The following ADAMTS17 variants were observed in gnomAD, a reference collection of about 807,000 sequenced individuals.
ADAMTS17 encodes ADAM metallopeptidase with thrombospondin type 1 motif 17.
Under a neutral mutation model 141.5 loss-of-function variants are expected in ADAMTS17, and 113 were observed. The ratio of observed to expected loss-of-function variants is 0.80; its 90% CI spans 0.69 to 0.93. The LOEUF is 0.93. Among genes scored for constraint, ADAMTS17 ranks in the 40% least tolerant of loss-of-function variants. The probability of loss-of-function intolerance (pLI) is 0.00; values close to 1 mark genes in which losing one functional copy is unlikely to be tolerated. For synonymous variants in ADAMTS17, 768 were observed against 630.6 expected, an observed-to-expected ratio of 1.22 and a Z score of -3.27; for missense variants, 1,659 against 1,517.9, an observed-to-expected ratio of 1.09 and a Z score of -1.54.
chr15:99,996,854 A>G (rs2060812193), intron 19 of ADAMTS17, among the ~76,000 whole-genome samples: 1 of 152,160 alleles, frequency 6.6e-6, no homozygotes, highest in Non-Finnish European at 1.5e-5. Flanking sequence ...TGACATCACC[A>G]GAGATAAAAT....
At chr15:100,119,180 G>A (rs569179238) in intron 12 of ADAMTS17, among the ~76,000 whole-genome samples, 8 of 152,010 alleles carry the variant, frequency 5.3e-5, no homozygotes, top group East Asian at 1.9e-4. Context: ...CAACCCTGTC[G>A]ACACCCTGAT....
chr15:100,211,015 G>C (rs989091149), intron 7 of ADAMTS17, among the ~76,000 whole-genome samples: 1 of 151,944 alleles, frequency 6.6e-6, no homozygotes, highest in Admixed American at 6.6e-5. Flanking sequence ...CAGGAGAATG[G>C]CGTGAATCTG....
At chr15:100,280,863 G>C (rs1393792191) in intron 4 of ADAMTS17, among the ~76,000 whole-genome samples, 1 of 152,154 alleles carries the variant, frequency 6.6e-6, no homozygotes, top group African/African-American at 2.4e-5. Flanking sequence ...ATAGAGGTTG[G>C]AATTTGTTCC....
chr15:100,005,229 A>G (rs532395573), intron 18 of ADAMTS17, among the ~76,000 whole-genome samples: 3 of 152,288 alleles, frequency 2.0e-5, no homozygotes, highest in East Asian at 3.9e-4. Flanking sequence ...CAGTGACCAT[A>G]TGAGACCCTG....
At chr15:100,145,248 T>A (rs1272206217) in intron 10 of ADAMTS17, among the ~76,000 whole-genome samples, 2 of 152,176 alleles carry the variant, frequency 1.3e-5, no homozygotes, top group Non-Finnish European at 2.9e-5. Context: ...GCAACGGTCT[T>A]TGGGGGAGCC....
At position 100,011,120 on chromosome 15, in the gene ADAMTS17, A is replaced by G. The variant is rs190394520; in HGVS notation, c.2592-13531T>C. Reference sequence around the variant, plus strand: ...TTTCAGCCTTAAATCCTGTATAAAAAACACTGATTTTGAGGCTTCAGTTAA... The same window carrying G: ...TTTCAGCCTTAAATCCTGTATAAAAGACACTGATTTTGAGGCTTCAGTTAA... On this transcript the variant is annotated intron_variant, in intron 18 of 21. Coordinates refer to ENST00000268070, the MANE Select transcript of ADAMTS17 (RefSeq NM_139057.4). 5.9e-4 allele frequency among the ~76,000 whole-genome samples: 89 copies of G among 151,188 alleles called. 1 individual carries two copies. The highest frequency in any genetic ancestry group is 2.1e-3 in the African/African-American group (88 of 41,098).
intron 13 of ADAMTS17, among the ~76,000 whole-genome samples, chr15:100,109,453 A>G (rs565699713): frequency 6.7e-6 from 1 of 148,858 alleles, no homozygotes; most frequent in African/African-American, 2.5e-5. Flanking sequence ...ATCAAGGGGG[A>G]GCTGGAGCCA....
chr15:100,023,422 C>T (rs969844638), intron 18 of ADAMTS17, among the ~76,000 whole-genome samples: 1 of 151,712 alleles, frequency 6.6e-6, no homozygotes, highest in African/African-American at 2.4e-5. Context: ...TCAGGCTGGT[C>T]TCGAACCTCC....
intron 3 of ADAMTS17, among the ~76,000 whole-genome samples, chr15:100,318,140 A>G (rs1183725969): frequency 6.6e-6 from 1 of 152,114 alleles, no homozygotes; most frequent in African/African-American, 2.4e-5. Flanking sequence ...AGACGATGAC[A>G]TTTCTGACAC....
At chr15:100,225,717 G>A (rs1044305798) in intron 7 of ADAMTS17, among the ~76,000 whole-genome samples, 1 of 146,082 alleles carries the variant, frequency 6.8e-6, no homozygotes, top group African/African-American at 2.6e-5. Context: ...AGTCCTTAGA[G>A]CAGTCATGGT....
rs76533317 is a variant in ADAMTS17 at position 100,169,490 on chromosome 15, T to C, written c.1182-14170A>G. 7.7e-3 allele frequency among the ~76,000 whole-genome samples: 1,179 copies of C among 152,356 alleles called. 22 individuals carry two copies. Among genetic ancestry groups the C allele is most frequent in the African/African-American group, 0.026 (1,091 of 41,576 alleles). On this transcript the variant is annotated intron_variant, in intron 8 of 21. Coordinates refer to ENST00000268070, the MANE Select transcript of ADAMTS17 (RefSeq NM_139057.4). Reference sequence around the variant, plus strand: ...ACATATATCATCTCATGAATTATTATTATTCCACTTCACAGATGAGGGAAC... The same window carrying C: ...ACATATATCATCTCATGAATTATTACTATTCCACTTCACAGATGAGGGAAC...
Position 100,216,616 on chromosome 15 carries a change from T to C in ADAMTS17, c.1076-17193A>G, listed in dbSNP as rs79803849. 1.2e-4 allele frequency among the ~76,000 whole-genome samples: 19 copies of C among 152,186 alleles called. No homozygotes were observed. The East Asian group carries it at 1.3e-3, about 11-fold the overall frequency. On this transcript the variant is annotated intron_variant, in intron 7 of 21. Transcript: ENST00000268070. Reference sequence around the variant, plus strand: ...TGACCTGGATTTTGCGCTGACTGCCTTTAAAGACAAGCTCACGGAACCCTT... The same window carrying C: ...TGACCTGGATTTTGCGCTGACTGCCCTTAAAGACAAGCTCACGGAACCCTT...
chr15:100,324,824 C>T (rs2045850230), intron 3 of ADAMTS17, among the ~76,000 whole-genome samples: 1 of 152,206 alleles, frequency 6.6e-6, no homozygotes, highest in African/African-American at 2.4e-5. Flanking sequence ...CCAACATGGA[C>T]TGGCCCTAAG....
intron 7 of ADAMTS17, among the ~76,000 whole-genome samples, chr15:100,246,557 T>A (rs1771159929): frequency 6.6e-6 from 1 of 152,164 alleles, no homozygotes; most frequent in African/African-American, 2.4e-5. Flanking sequence ...GCCTTCCCCT[T>A]TGTAACCTTC....
At chr15:100,038,268 T>C (rs1041912742) in intron 18 of ADAMTS17, among the ~76,000 whole-genome samples, 3 of 152,240 alleles carry the variant, frequency 2.0e-5, no homozygotes, top group Non-Finnish European at 4.4e-5. Context: ...TGGATCACTA[T>C]AGTTTACAGT....
intron 3 of ADAMTS17, among the ~76,000 whole-genome samples, chr15:100,330,655 T>C (rs2046023374): frequency 6.6e-6 from 1 of 152,178 alleles, no homozygotes; most frequent in South Asian, 2.1e-4. Context: ...ATTGAGGGAC[T>C]GCATGAAAGA....
intron 8 of ADAMTS17, among the ~76,000 whole-genome samples, chr15:100,186,707 G>A (rs2040730997): frequency 6.6e-6 from 1 of 152,190 alleles, no homozygotes; most frequent in South Asian, 2.1e-4. Context: ...CCAGCTCACA[G>A]TTCTCCATAT....
intron 3 of ADAMTS17, among the ~76,000 whole-genome samples, chr15:100,281,739 G>C (rs539453017): frequency 6.6e-6 from 1 of 152,260 alleles, no homozygotes. Flanking sequence ...GCACAGAAAA[G>C]GAGGCCTGGA....
chr15:100,140,055 G>C (rs2038546193), intron 10 of ADAMTS17, among the ~76,000 whole-genome samples: 1 of 152,078 alleles, frequency 6.6e-6, no homozygotes, highest in Admixed American at 6.5e-5. Flanking sequence ...GAGTGCAGTG[G>C]TGCAATCTCA....
Sources: allele counts gnomAD v4.1 joint callset (sites outside exome capture counted in the v4.1 genomes callset), GRCh38; gene constraint gnomAD v4.1.1; transcripts MANE v1.5; gene names NCBI Gene and HGNC (gene_info 2026-07-23, HGNC 2026-07-21).